HEATR5A: variants seen among roughly 807,000 people sequenced by gnomAD.
HEATR5A encodes the protein HEAT repeat containing 5A.
HEATR5A carries 178 observed loss-of-function variants against 218.8 expected under a neutral mutation model. The observed-to-expected ratio is 0.81, with a 90% confidence interval of 0.72 to 0.92. The LOEUF is 0.92. Ranked by LOEUF, HEATR5A falls within the 40% of genes least tolerant of loss-of-function variation. HEATR5A has a pLI of 0.00. For synonymous variants in HEATR5A, 864 were observed against 871.6 expected (o/e 0.99, Z 0.15); for missense variants, 2,420 against 2,418.9 (o/e 1.00, Z -0.01).
intron 14 of HEATR5A, among the ~76,000 whole-genome samples, chr14:31,360,347 T>A (rs10143032): frequency 0.11 from 16,772 of 152,012 alleles, 1,294 homozygotes; most frequent in East Asian, 0.35. Context: ...CTGTACTTTT[T>A]AAAAAAAATA....
In HEATR5A at chr14:31,309,144, T is replaced by C. The variant is rs777496202; in HGVS notation, c.4480A>G (p.Lys1494Glu). The C allele has an allele frequency of 7.4e-6, 12 of 1,613,856 alleles. No homozygotes were observed. Among genetic ancestry groups the C allele is most frequent in the Admixed American group, 5.0e-5 (3 of 59,998 alleles). ...GCCCAGGAGTTGTAATAATGCAATT[T>C]TGCATTTTCACTAGTCTCTGCTGTG... ...FYTAETSENA[K>E]LHYYNSWALI... Residue 1494 changes from lysine (K) to glutamate (E), a missense_variant, in exon 29 of 36, where the codon AAA (lysine) becomes GAA (glutamate). By Grantham distance (56) the Lys-to-Glu change is moderately conservative. Transcript: ENST00000543095.
chr14:31,307,891 A>C lies in HEATR5A; in HGVS notation c.4818+2T>G, dbSNP rs781491235. 1 of 1,609,938 alleles carries C rather than the reference A, an allele frequency of 6.2e-7. No homozygotes were observed. The highest frequency in any genetic ancestry group is 1.1e-5 in the South Asian group (1 of 89,538). On this transcript the variant is annotated splice_donor_variant, in intron 30 of 35. Transcript: ENST00000543095. LOFTEE classifies it high-confidence loss of function. ...TTACAAAAAAAACCCCAGATAAATCACCTGATCACTGCCAATTTTTGATCT... is the reference window on the plus strand; with the variant it reads ...TTACAAAAAAAACCCCAGATAAATCCCCTGATCACTGCCAATTTTTGATCT...
intron 11 of HEATR5A, among the ~76,000 whole-genome samples, chr14:31,379,646 A>G (rs1277498334): frequency 1.3e-5 from 2 of 152,236 alleles, no homozygotes; most frequent in Non-Finnish European, 2.9e-5. Context: ...CATTAGCACC[A>G]TAAGACTGGG....
chr14:31,400,355 CA>C lies in HEATR5A; in HGVS notation c.283del (p.Cys95ValfsTer51). ...TFSVHEAIDK[C>X]NDLIRSKDDS... ...ATCTTTGCTACGAATAAGATCATTA[CA>C]TTTATCGATTGCTTCATGAACGGAG... On this transcript the variant is annotated frameshift_variant, in exon 3 of 36. Transcript: ENST00000543095. LOFTEE classifies it high-confidence loss of function. The C allele has an allele frequency of 1.3e-6, 2 of 1,535,782 alleles. No individual in the cohort carries two copies. Among genetic ancestry groups the C allele is most frequent in the South Asian group, 1.2e-5 (1 of 84,052 alleles).
chr14:31,349,247 GGGT>G (rs1453849523), intron 18 of HEATR5A, among the ~76,000 whole-genome samples: 1 of 152,100 alleles, frequency 6.6e-6, no homozygotes, highest in Non-Finnish European at 1.5e-5. Context: ...AAAAGTAGCC[GGGT>G]GGTGGCACAT....
chr14:31,335,954 C>T (rs1280270070), intron 22 of HEATR5A, among the ~76,000 whole-genome samples: 1 of 142,252 alleles, frequency 7.0e-6, no homozygotes, highest in East Asian at 2.1e-4. Context: ...TGTGACCAGC[C>T]AGGGTGTAAG....
chr14:31,394,544 G>A (rs2378858), intron 5 of HEATR5A, among the ~76,000 whole-genome samples: 75,281 of 151,870 alleles, frequency 0.5, 18,971 homozygotes, highest in Middle Eastern at 0.57. Flanking sequence ...GGCTGGGCAC[G>A]GAGGCTCACA....
intron 3 of HEATR5A, 23 bp downstream of exon 3, chr14:31,400,278 T>C: frequency 6.8e-7 from 1 of 1,462,358 alleles, no homozygotes; most frequent in Non-Finnish European, 9.2e-7. Context: ...TTGTTTTCTG[T>C]TCTGTTTTAA....
At chr14:31,302,767 G>T in intron 32 of HEATR5A, 3 of 406,630 alleles carry the variant, frequency 7.4e-6, no homozygotes, top group African/African-American at 2.1e-5. Context: ...TGCTTATGCT[G>T]TTTTTGTTTT....
chr14:31,364,565 G>A (rs1901736423), intron 13 of HEATR5A, among the ~76,000 whole-genome samples: 1 of 152,022 alleles, frequency 6.6e-6, no homozygotes, highest in African/African-American at 2.4e-5. Context: ...GAACTACAGG[G>A]TTGCACTACC....
chr14:31,386,758 A>T (rs2030240732), intron 8 of HEATR5A, among the ~76,000 whole-genome samples, 183 bp from the exon 9 acceptor site: 1 of 152,246 alleles, frequency 6.6e-6, no homozygotes, highest in Admixed American at 6.5e-5. Flanking sequence ...GAAATGAATT[A>T]CTATAACCAA....
chr14:31,368,835 T>C (rs1901908862), intron 13 of HEATR5A, among the ~76,000 whole-genome samples: 1 of 151,854 alleles, frequency 6.6e-6, no homozygotes, highest in South Asian at 2.1e-4. Context: ...GCACTAGGAT[T>C]ACAGGCATGA....
intron 1 of HEATR5A, among the ~76,000 whole-genome samples, chr14:31,415,852 T>C (rs192438689): frequency 1.3e-5 from 2 of 152,316 alleles, no homozygotes; most frequent in African/African-American, 4.8e-5. Context: ...TAAGAAGCAT[T>C]ACTTGGGCAA....
chr14:31,417,936 T>G (rs1322993221), intron 1 of HEATR5A, among the ~76,000 whole-genome samples: 1 of 152,140 alleles, frequency 6.6e-6, no homozygotes, highest in Non-Finnish European at 1.5e-5. Context: ...CTGGGCGCAG[T>G]GGCTCATGAC....
chr14:31,374,431 C>T (rs1227603611), intron 12 of HEATR5A, among the ~76,000 whole-genome samples: 2 of 152,040 alleles, frequency 1.3e-5, no homozygotes, highest in African/African-American at 4.8e-5. Flanking sequence ...CTTCGAGGCG[C>T]ATTGGCATCC....
At chr14:31,411,756 T>C (rs370204383) in intron 1 of HEATR5A, among the ~76,000 whole-genome samples, 1 of 152,248 alleles carries the variant, frequency 6.6e-6, no homozygotes, top group Non-Finnish European at 1.5e-5. Flanking sequence ...AGGAATCTCA[T>C]AGAATTGGTG....
intron 33 of HEATR5A, among the ~76,000 whole-genome samples, chr14:31,300,881 A>G (rs910832295): frequency 8.5e-5 from 13 of 152,216 alleles, no homozygotes; most frequent in Non-Finnish European, 1.9e-4. Flanking sequence ...TCACTTAAAC[A>G]GTACTAATTA....
chr14:31,370,499 G>A (rs1317992612), intron 13 of HEATR5A, among the ~76,000 whole-genome samples: 1 of 152,066 alleles, frequency 6.6e-6, no homozygotes, highest in Non-Finnish European at 1.5e-5. Context: ...TTACACTATT[G>A]GTAGAAATAC....
chr14:31,320,435 G>A (rs1900054445), intron 25 of HEATR5A: 1 of 1,322,344 alleles, frequency 7.6e-7, no homozygotes. Flanking sequence ...AATAAACTTG[G>A]CGGCTGTGTC....
Sources: gnomAD v4.1 joint callset for allele counts (sites outside exome capture counted in the v4.1 genomes callset) on GRCh38, gnomAD v4.1.1 for gene constraint, MANE v1.5 for transcripts, NCBI Gene and HGNC (gene_info 2026-07-23, HGNC 2026-07-21) for gene names.